KIF17: variants seen among roughly 807,000 people sequenced by gnomAD.
KIF17 encodes the protein kinesin-like protein KIF17.
KIF17 carries 80 observed loss-of-function variants against 96.8 expected under a neutral mutation model. That is an observed-to-expected ratio of 0.83 (90% CI 0.69 to 1.00). KIF17 has a LOEUF of 1.00. Among genes scored for constraint, KIF17 ranks in the 50% least tolerant of loss-of-function variants. The probability of loss-of-function intolerance (pLI) is 0.00; values close to 1 mark genes in which losing one functional copy is unlikely to be tolerated. For missense variants in KIF17, 1,280 were observed against 1,372.9 expected, an observed-to-expected ratio of 0.93 and a Z score of 1.07; for synonymous variants, 567 against 587.5, an observed-to-expected ratio of 0.97 and a Z score of 0.51.
intron 13 of KIF17, among the ~76,000 whole-genome samples, chr1:20,666,689 T>C (rs2053535696): frequency 6.6e-6 from 1 of 152,224 alleles, no homozygotes; most frequent in Non-Finnish European, 1.5e-5. Flanking sequence ...TATCACGACA[T>C]GTTCATAGAA....
Position 20,687,634 on chromosome 1 carries a change from G to A in KIF17, c.1692C>T (p.Val564=). The part of the protein sequence containing the change: ...PGPEEPSNVE[V]SMPTEESRSR... Reference sequence around the variant, plus strand: ...TCCTGGACTCCTCAGTGGGCATGGAGACCTCCACGTTGGAGGGCTCCTCAG... The same window carrying A: ...TCCTGGACTCCTCAGTGGGCATGGAAACCTCCACGTTGGAGGGCTCCTCAG... Residue 564 remains valine (V), a synonymous_variant, in exon 8 of 15, where the codon GTC becomes GTT. Transcript: ENST00000400463. The surrounding 1 kb of genome is among the most constrained non-coding windows in gnomAD (Gnocchi z 4.4). The A allele has an allele frequency of 6.2e-7, 1 of 1,614,192 alleles. No individual in the cohort carries two copies. Among genetic ancestry groups the A allele is most frequent in the South Asian group, 1.1e-5 (1 of 91,082 alleles).
chr1:20,662,938 C>CTGA (rs1200808486), downstream of KIF17, among the ~76,000 whole-genome samples: 30 of 152,312 alleles, frequency 2.0e-4, no homozygotes, highest in Admixed American at 2.0e-3. Context: ...CCATAAAGAC[C>CTGA]TGATATCGAC....
In KIF17 at chr1:20,664,391, C is replaced by T. The variant is rs1051099162; in HGVS notation, c.*193G>A. ...TCTCTAAGGAGGACTATACAGCCTCCGAGGGGCTCCTGCCCAGGGCGGAGG... is the reference window on the plus strand; with the variant it reads ...TCTCTAAGGAGGACTATACAGCCTCTGAGGGGCTCCTGCCCAGGGCGGAGG... On this transcript the variant is annotated 3_prime_UTR_variant, in exon 15 of 15. Transcript: ENST00000400463. 1.5e-5 allele frequency: 22 copies of T among 1,482,692 alleles called. No individual in the cohort carries two copies. Among genetic ancestry groups the T allele is most frequent in the African/African-American group, 9.8e-5 (7 of 71,522 alleles). 91.8% of individuals were successfully genotyped at this position (1,482,692 alleles called of 1,614,324 possible). A position where few individuals can be genotyped will look rare whatever the true frequency, so the allele number is the denominator to read the frequency against.
rs1285249813 is a variant in KIF17 at position 20,700,168 on chromosome 1, T to A, written c.1124-1680A>T. On this transcript the variant is annotated intron_variant, in intron 5 of 14. Coordinates refer to ENST00000400463, the MANE Select transcript of KIF17 (RefSeq NM_001122819.3). The surrounding 1 kb of genome is among the most constrained non-coding windows in gnomAD (Gnocchi z 4.6). ...TCACTGCAACCTCCCTCTCCCAGGT[T>A]CAAGTGATTCTCCTGCCTCAGCCTC... Among the ~76,000 whole-genome samples, 1 of 152,086 alleles carries A rather than the reference T, an allele frequency of 6.6e-6. No homozygotes were observed. Among genetic ancestry groups the A allele is most frequent in the Non-Finnish European group, 1.5e-5 (1 of 68,002 alleles).
intron 4 of KIF17, among the ~76,000 whole-genome samples, chr1:20,705,883 T>G: frequency 7.3e-6 from 1 of 137,518 alleles, no homozygotes; most frequent in East Asian, 2.0e-4. Context: ...TAATCCTCAG[T>G]AGGATGTCTC....
Position 20,690,092 on chromosome 1 carries a change from C to T in KIF17, c.1381+96G>A, listed in dbSNP as rs1570455698. Reference sequence around the variant, plus strand: ...GTGAGGATAAAACAGACCTGATCCTCGGGTGTAGAAAATGCTCTGTGATGC... The same window carrying T: ...GTGAGGATAAAACAGACCTGATCCTTGGGTGTAGAAAATGCTCTGTGATGC... On this transcript the variant is annotated intron_variant, in intron 7 of 14. Coordinates refer to ENST00000400463, the MANE Select transcript of KIF17 (RefSeq NM_001122819.3). 30 of 1,351,454 alleles carry T rather than the reference C, an allele frequency of 2.2e-5. No homozygotes were observed. The East Asian group carries it at 5.9e-4, about 27-fold the overall frequency. 83.7% of individuals were successfully genotyped at this position (1,351,454 alleles called of 1,614,324 possible).
At position 20,712,475 on chromosome 1, in the gene KIF17, G is replaced by A. The variant is rs143815334; in HGVS notation, c.480+979C>T. On this transcript the variant is annotated intron_variant, in intron 3 of 14. Coordinates refer to ENST00000400463, the MANE Select transcript of KIF17 (RefSeq NM_001122819.3). ...GCTACCGGGGGCGCTGAGGTGGAAG[G>A]CTCAAGGCCAGGAGTTCGAAGCCAG... is the stretch of plus-strand genomic sequence containing the variant. Among the ~76,000 whole-genome samples, 1,081 of 143,192 alleles carry A rather than the reference G, an allele frequency of 7.5e-3. 12 individuals are homozygous for A. The highest frequency in any genetic ancestry group is 0.059 in the Middle Eastern group (16 of 272). 93.9% of individuals were successfully genotyped at this position (143,192 alleles called of 152,430 possible). A position where few individuals can be genotyped will look rare whatever the true frequency, so the allele number is the denominator to read the frequency against.
chr1:20,708,860 A>G (rs1298761707), intron 4 of KIF17, among the ~76,000 whole-genome samples: 1 of 152,184 alleles, frequency 6.6e-6, no homozygotes, highest in Admixed American at 6.5e-5. Flanking sequence ...TCTCGGCAGC[A>G]TTTCCAGAAA....
Position 20,672,214 on chromosome 1 carries a change from C to T in KIF17, c.2464-18G>A. ...GCCCGAAGCTGAAAGCAAAGGATGA[C>T]AAGCAGTGAGCAGGGAAAGATACCT... On this transcript the variant is annotated intron_variant, in intron 11 of 14. Coordinates refer to ENST00000400463, the MANE Select transcript of KIF17 (RefSeq NM_001122819.3). The surrounding 1 kb of genome is among the most constrained non-coding windows in gnomAD (Gnocchi z 4.3). 1.2e-6 allele frequency: 2 copies of T among 1,613,748 alleles called. No homozygotes were observed. Among genetic ancestry groups the T allele is most frequent in the Non-Finnish European group, 1.7e-6 (2 of 1,179,950 alleles).
Position 20,682,360 on chromosome 1 carries a change from A to G in KIF17, c.2463+293T>C, listed in dbSNP as rs531599952. 1.5e-3 allele frequency among the ~76,000 whole-genome samples: 226 copies of G among 151,830 alleles called. 2 individuals carry two copies. The highest frequency in any genetic ancestry group is 5.3e-3 in the African/African-American group (220 of 41,216). On this transcript the variant is annotated intron_variant, in intron 11 of 14. Transcript: ENST00000400463. ...CAATATGGTGAGACCCTGCCTGTCC[A>G]AAAAATTTAATAAAGTAGCCAGGTG...
At chr1:20,692,835 G>A (rs2086468366) in intron 6 of KIF17, 1 of 149,334 alleles carries the variant, frequency 6.7e-6, no homozygotes, top group East Asian at 2.0e-4. Flanking sequence ...GTGCAGTGGT[G>A]TGATCTCAGC....
At chr1:20,705,612 T>C (rs965812067) in intron 4 of KIF17, among the ~76,000 whole-genome samples, 1 of 152,102 alleles carries the variant, frequency 6.6e-6, no homozygotes, top group African/African-American at 2.4e-5. Context: ...GAGTCTACGG[T>C]CCCCCATGTC....
At chr1:20,682,971 G>GC in intron 10 of KIF17, 87 bp from the exon 11 acceptor site, 3 of 1,186,960 alleles carry the variant, frequency 2.5e-6, no homozygotes, top group Non-Finnish European at 3.7e-6. Context: ...CTATGCGTGG[G>GC]CCCCCCAGAT....
Position 20,685,745 on chromosome 1 carries a change from G to T in KIF17, c.2019+301C>A, listed in dbSNP as rs1248259314. ...TAGGGGCCACCAGCCCTGACCTGCA[G>T]CCCTCGTCCTTTGCACACACTGGGC... On this transcript the variant is annotated intron_variant, in intron 9 of 14. Transcript: ENST00000400463. The surrounding 1 kb of genome is among the most constrained non-coding windows in gnomAD (Gnocchi z 4.1). Among the ~76,000 whole-genome samples the T allele has an allele frequency of 6.6e-6, 1 of 152,212 alleles. No individual in the cohort carries two copies. The highest frequency in any genetic ancestry group is 2.4e-5 in the African/African-American group (1 of 41,450).
chr1:20,712,533 ATATCTATATTATAGATAT>A (rs1224500106), intron 3 of KIF17, among the ~76,000 whole-genome samples: 4 of 114,316 alleles, frequency 3.5e-5, no homozygotes, highest in Non-Finnish European at 7.4e-5. Flanking sequence ...TGTCATATAT[ATATCTATATTATAGATAT>A]TATCTATATT....
intron 10 of KIF17, among the ~76,000 whole-genome samples, 190 bp downstream of exon 10, chr1:20,684,619 T>C (rs907188950): frequency 2.6e-5 from 4 of 152,132 alleles, no homozygotes; most frequent in Non-Finnish European, 5.9e-5. Context: ...GGGATGCTGG[T>C]GGCAGCCTGT....
Position 20,699,872 on chromosome 1 carries a change from T to G in KIF17, c.1124-1384A>C, listed in dbSNP as rs2054203444. 6.6e-6 allele frequency among the ~76,000 whole-genome samples: 1 copy of G among 152,084 alleles called. No homozygotes were observed. Among genetic ancestry groups the G allele is most frequent in the African/African-American group, 2.4e-5 (1 of 41,402 alleles). ...AGCTGTGGAGGGCCGGGTGAGGGCTTTGGCTGTGACTCTGGGTTGAACGAG... is the reference window on the plus strand; with the variant it reads ...AGCTGTGGAGGGCCGGGTGAGGGCTGTGGCTGTGACTCTGGGTTGAACGAG... On this transcript the variant is annotated intron_variant, in intron 5 of 14. Coordinates refer to ENST00000400463, the MANE Select transcript of KIF17 (RefSeq NM_001122819.3). This position sits in a 1 kb window ranked among gnomAD's most constrained non-coding sequence, Gnocchi z 4.3.
Position 20,704,991 on chromosome 1 carries a change from C to G in KIF17, c.671-92G>C. On this transcript the variant is annotated intron_variant, in intron 4 of 14. Coordinates refer to ENST00000400463, the MANE Select transcript of KIF17 (RefSeq NM_001122819.3). The surrounding 1 kb of genome is among the most constrained non-coding windows in gnomAD (Gnocchi z 6.8). The stretch of plus-strand genomic sequence containing the variant: ...CCAGGCACTGGGTGCTCAATGCCCA[C>G]CCACCGAGGGTTCCCCTCAGCTGCA... 8.7e-7 allele frequency: 1 copy of G among 1,155,800 alleles called. No homozygotes were observed. The highest frequency in any genetic ancestry group is 2.4e-5 in the East Asian group (1 of 41,174). 71.6% of individuals were successfully genotyped at this position (1,155,800 alleles called of 1,614,324 possible).
At chr1:20,682,112 A>C (rs1316930441) in intron 11 of KIF17, among the ~76,000 whole-genome samples, 6 of 152,078 alleles carry the variant, frequency 3.9e-5, no homozygotes, top group Admixed American at 6.6e-5. Context: ...ACACCCACAC[A>C]CACACACAAC....
Sources: gnomAD v4.1 joint callset for allele counts (sites outside exome capture counted in the v4.1 genomes callset) on GRCh38, gnomAD v4.1.1 for gene constraint, Gnocchi (gnomAD v3.1) non-coding constraint, MANE v1.5 for transcripts, NCBI Gene and HGNC (gene_info 2026-07-23, HGNC 2026-07-21) for gene names.